VWA8: variants seen among roughly 807,000 people sequenced by gnomAD.
VWA8 encodes von Willebrand factor A domain containing 8.
Under a neutral mutation model 241.5 loss-of-function variants are expected in VWA8, and 221 were observed. The observed-to-expected ratio is 0.91, with a 90% CI of 0.82 to 1.02. VWA8 has a LOEUF of 1.02. VWA8 is among the 50% of genes least tolerant of loss of function. The pLI, the probability that VWA8 is intolerant of heterozygous loss-of-function variation, is 0.00. For missense variants in VWA8, 2,322 were observed against 2,328.7 expected (o/e 1.00, Z 0.06); for synonymous variants, 852 against 827.1 (o/e 1.03, Z -0.52).
At chr13:41,698,958 C>T in intron 29 of VWA8, 113 bp downstream of exon 29, 1 of 1,441,902 alleles carries the variant, frequency 6.9e-7, no homozygotes, top group Non-Finnish European at 9.6e-7. Context: ...CCCATCCCTC[C>T]AGCTCCTCTC....
intron 4 of VWA8, among the ~76,000 whole-genome samples, chr13:41,906,747 C>A (rs7320299): frequency 0.23 from 34,946 of 151,980 alleles, 4,066 homozygotes; most frequent in East Asian, 0.29. Context: ...TGTGTAATTT[C>A]TTTTCTTTTG....
chr13:41,736,139 T>C (rs796889273), intron 21 of VWA8, among the ~76,000 whole-genome samples: 2 of 152,288 alleles, frequency 1.3e-5, no homozygotes, highest in African/African-American at 4.8e-5. Context: ...AAGAGATGTC[T>C]TTCCAGTACA....
intron 21 of VWA8, among the ~76,000 whole-genome samples, chr13:41,757,863 C>A (rs767987778): frequency 6.6e-6 from 1 of 151,532 alleles, no homozygotes; most frequent in African/African-American, 2.4e-5. Context: ...GGGCTTTCTA[C>A]GGAACAAATT....
Position 41,912,141 on chromosome 13 carries a change from A to G in VWA8, c.269T>C (p.Val90Ala), listed in dbSNP as rs1876036253. 6.2e-7 allele frequency: 1 copy of G among 1,606,012 alleles called. No individual in the cohort carries two copies. The highest frequency in any genetic ancestry group is 1.3e-5 in the African/African-American group (1 of 74,912). The change falls in exon 3 of 45, where the codon GTT becomes GCT. Residue 90 changes from valine (V) to alanine (A), a missense_variant. By Grantham distance (64) the Val-to-Ala change is moderately conservative. Transcript: ENST00000379310. ...CTGCATTATCCATCTTAGATGCTGA[A>G]CTACAGATTGAGCCAGAGAGTCTGA... is the stretch of plus-strand genomic sequence containing the variant. ...YISDSLAQSV[V>A]QHLRWIMQKD...
chr13:41,690,299 C>T, intron 32 of VWA8, 24 bp from the exon 33 acceptor site: 1 of 1,586,166 alleles, frequency 6.3e-7, no homozygotes, highest in Non-Finnish European at 8.6e-7. Context: ...AAACATCTAG[C>T]TTAAGTGAAA....
chr13:41,737,556 T>A (rs915975423), intron 21 of VWA8, among the ~76,000 whole-genome samples: 1 of 152,220 alleles, frequency 6.6e-6, no homozygotes, highest in Non-Finnish European at 1.5e-5. Flanking sequence ...AGTGTTGCTA[T>A]CCGATACAAC....
chr13:41,660,624 C>G (rs143657054), intron 37 of VWA8, among the ~76,000 whole-genome samples: 5 of 152,114 alleles, frequency 3.3e-5, no homozygotes, highest in Admixed American at 2.0e-4. Context: ...ACAGCCTTAA[C>G]GTTGTTTAGG....
intron 26 of VWA8, among the ~76,000 whole-genome samples, chr13:41,715,219 C>T: frequency 6.6e-6 from 1 of 151,820 alleles, no homozygotes; most frequent in East Asian, 1.9e-4. Flanking sequence ...GTTTCTATTA[C>T]CATCATCAAT....
chr13:41,957,158 A>G (rs1878385543), intron 1 of VWA8, among the ~76,000 whole-genome samples: 1 of 152,168 alleles, frequency 6.6e-6, no homozygotes, highest in African/African-American at 2.4e-5. Context: ...TCTAGCTCCC[A>G]TAATCCCCAT....
At chr13:41,866,106 G>T in intron 10 of VWA8, 70 bp from the exon 11 acceptor site, 1 of 1,571,924 alleles carries the variant, frequency 6.4e-7, no homozygotes, top group South Asian at 1.1e-5. Context: ...CCAACACTTT[G>T]GGAGGCCAAG....
chr13:41,620,043 T>C (rs955994976), intron 37 of VWA8, among the ~76,000 whole-genome samples: 11 of 152,332 alleles, frequency 7.2e-5, no homozygotes, highest in Admixed American at 3.9e-4. Flanking sequence ...TCAGAAGGAA[T>C]GGTACCAGGT....
rs1017223369 is a variant in VWA8 at position 41,799,975 on chromosome 13, A to G, written c.2063+11250T>C. Among the ~76,000 whole-genome samples the G allele has an allele frequency of 3.3e-5, 5 of 152,110 alleles. No homozygotes were observed. In the East Asian group the frequency reaches 5.8e-4, roughly 18 times the overall value. On this transcript the variant is annotated intron_variant, in intron 17 of 44. Transcript: ENST00000379310. ...TCTACCTGGCTTCAGGCTACTACCAATCTACTTTCTGTCTCTATGGATTTG... is the reference window on the plus strand; with the variant it reads ...TCTACCTGGCTTCAGGCTACTACCAGTCTACTTTCTGTCTCTATGGATTTG...
chr13:41,738,835 T>C (rs562340305), intron 21 of VWA8, among the ~76,000 whole-genome samples: 213 of 152,258 alleles, frequency 1.4e-3, no homozygotes, highest in Non-Finnish European at 2.3e-3. Flanking sequence ...GAAATAAGGA[T>C]AAAAATACAA....
chr13:41,625,976 G>T (rs1277302643), intron 37 of VWA8, among the ~76,000 whole-genome samples: 1 of 137,694 alleles, frequency 7.3e-6, no homozygotes, highest in African/African-American at 2.7e-5. Context: ...GCAAACTATC[G>T]CAAGGACAAA....
At chr13:41,954,302 A>G (rs1284898151) in intron 1 of VWA8, among the ~76,000 whole-genome samples, 4 of 152,042 alleles carry the variant, frequency 2.6e-5, no homozygotes, top group African/African-American at 9.7e-5. Flanking sequence ...AGCCTACTGG[A>G]GACTTTACCT....
intron 25 of VWA8, 150 bp from the exon 26 acceptor site, chr13:41,719,892 AT>A: frequency 4.0e-6 from 3 of 741,430 alleles, no homozygotes; most frequent in Non-Finnish European, 6.2e-6. Context: ...GAATGTAGAC[AT>A]TTTTCCCTTT....
chr13:41,775,316 T>C (rs529231411), intron 20 of VWA8, among the ~76,000 whole-genome samples: 176 of 152,362 alleles, frequency 1.2e-3, no homozygotes, highest in Middle Eastern at 6.8e-3. Context: ...TCTTTTGATA[T>C]GAAAAGGGTC....
chr13:41,712,429 A>C (rs2045324540), intron 26 of VWA8, among the ~76,000 whole-genome samples: 1 of 152,240 alleles, frequency 6.6e-6, no homozygotes. Context: ...ATTTTATAGA[A>C]GGGATGTGTT....
At chr13:41,879,382 TAC>T (rs3073827) in intron 9 of VWA8, among the ~76,000 whole-genome samples, 79,417 of 140,586 alleles carry the variant, frequency 0.56, 23,346 homozygotes, top group South Asian at 0.73. Flanking sequence ...CATACACACA[TAC>T]ACACACACAC....
Sources: allele counts gnomAD v4.1 joint callset (sites outside exome capture counted in the v4.1 genomes callset), GRCh38; gene constraint gnomAD v4.1.1; transcripts MANE v1.5; gene names NCBI Gene and HGNC (gene_info 2026-07-23, HGNC 2026-07-21).